The following ZFAT variants were observed in gnomAD, a reference collection of about 807,000 sequenced individuals.
ZFAT encodes zinc finger and AT-hook domain containing.
Under a neutral mutation model 117.7 loss-of-function variants are expected in ZFAT, and 64 were observed. That is an observed-to-expected ratio of 0.54 (90% CI 0.44 to 0.67). The LOEUF (loss-of-function observed/expected upper bound fraction) is 0.67. Among genes scored for constraint, ZFAT ranks in the 30% least tolerant of loss-of-function variants. The pLI, the probability that ZFAT is intolerant of heterozygous loss-of-function variation, is 0.00. For synonymous variants in ZFAT, 679 were observed against 615.0 expected, an observed-to-expected ratio of 1.10 and a Z score of -1.54; for missense variants, 1,433 against 1,584.5, an observed-to-expected ratio of 0.90 and a Z score of 1.62.
chr8:134,628,193 G>T (rs1829651871), intron 3 of ZFAT, among the ~76,000 whole-genome samples: 2 of 152,212 alleles, frequency 1.3e-5, no homozygotes, highest in South Asian at 2.1e-4. Flanking sequence ...GGCTCAGGGG[G>T]CTTCTGCATA....
intron 1 of ZFAT, among the ~76,000 whole-genome samples, chr8:134,702,633 T>C (rs1037777741): frequency 6.6e-6 from 1 of 152,124 alleles, no homozygotes; most frequent in Non-Finnish European, 1.5e-5. Flanking sequence ...TCCACAGCCA[T>C]GTGGAACTGT....
intron 1 of ZFAT, among the ~76,000 whole-genome samples, chr8:134,698,785 C>A (rs905936753): frequency 6.6e-6 from 1 of 152,178 alleles, no homozygotes; most frequent in Non-Finnish European, 1.5e-5. Flanking sequence ...GAAGCAGTCA[C>A]CAAATCCCAT....
chr8:134,748,437 T>C, the ZFAT span, among the ~76,000 whole-genome samples: 17 of 152,228 alleles, frequency 1.1e-4, no homozygotes, highest in African/African-American at 4.1e-4. Context: ...ATTGTTGCAT[T>C]AAAACTGATT....
At chr8:134,737,052 G>A in the ZFAT span, among the ~76,000 whole-genome samples, 41 of 152,180 alleles carry the variant, frequency 2.7e-4, no homozygotes, top group Non-Finnish European at 5.0e-4. Flanking sequence ...AGGCCAAGGC[G>A]GGCAGATCAC....
intron 1 of ZFAT, among the ~76,000 whole-genome samples, chr8:134,670,243 C>A (rs1301271497): frequency 2.0e-5 from 3 of 152,178 alleles, no homozygotes; most frequent in Admixed American, 6.5e-5. Flanking sequence ...AGCTCTGCAC[C>A]AAGTGGACCT....
chr8:134,591,685 G>A (rs1826515385), intron 7 of ZFAT, among the ~76,000 whole-genome samples: 1 of 152,216 alleles, frequency 6.6e-6, no homozygotes, highest in Non-Finnish European at 1.5e-5. Context: ...CTTATAAAAA[G>A]AGGAAATTTG....
the ZFAT span, chr8:134,783,560 A>T: frequency 1.3e-5 from 2 of 152,224 alleles, no homozygotes; most frequent in African/African-American, 4.8e-5. Flanking sequence ...AAGTGACCAA[A>T]TAGCAAATAT....
Position 134,512,424 on chromosome 8 carries a change from T to C in ZFAT, c.3361+51A>G, listed in dbSNP as rs1176721266. The C allele has an allele frequency of 2.5e-6, 4 of 1,595,702 alleles. No individual in the cohort carries two copies. In the African/African-American group the frequency reaches 5.4e-5, roughly 21 times the overall value. On this transcript the variant is annotated intron_variant, in intron 14 of 15. Coordinates refer to ENST00000377838, the MANE Select transcript of ZFAT (RefSeq NM_020863.4). ...CATCTGCAAACGCATTCATTCAGCATGTCTAGGAAAGACAGTTCTGAGATG... is the reference window on the plus strand; with the variant it reads ...CATCTGCAAACGCATTCATTCAGCACGTCTAGGAAAGACAGTTCTGAGATG...
chr8:134,770,131 C>A, the ZFAT span, among the ~76,000 whole-genome samples: 1 of 152,192 alleles, frequency 6.6e-6, no homozygotes, highest in South Asian at 2.1e-4. Context: ...ACATTCAGCT[C>A]CTCCTTACCT....
chr8:134,825,221 C>G, the ZFAT span, among the ~76,000 whole-genome samples: 1 of 152,138 alleles, frequency 6.6e-6, no homozygotes, highest in Non-Finnish European at 1.5e-5. Flanking sequence ...CAGTGAGAAG[C>G]GTGAATTAAA....
intron 10 of ZFAT, among the ~76,000 whole-genome samples, chr8:134,571,000 G>A (rs1824851001): frequency 6.6e-6 from 1 of 152,214 alleles, no homozygotes; most frequent in African/African-American, 2.4e-5. Flanking sequence ...AGGACCAAAG[G>A]TGGAGGATGA....
intron 11 of ZFAT, among the ~76,000 whole-genome samples, chr8:134,560,111 G>A (rs1023147740): frequency 6.6e-6 from 1 of 152,154 alleles, no homozygotes; most frequent in African/African-American, 2.4e-5. Context: ...ACTATCTGGG[G>A]AGGGAGGCAG....
intron 1 of ZFAT, among the ~76,000 whole-genome samples, chr8:134,697,449 C>A (rs1210764460): frequency 3.4e-5 from 5 of 147,154 alleles, no homozygotes; most frequent in Non-Finnish European, 7.5e-5. Flanking sequence ...TTTCACCAGC[C>A]TGGCGCGGTG....
intron 2 of ZFAT, among the ~76,000 whole-genome samples, chr8:134,647,433 T>C (rs186294434): frequency 2.0e-5 from 3 of 152,296 alleles, no homozygotes; most frequent in African/African-American, 7.2e-5. Context: ...ATAATCAACG[T>C]GAAAAGCTGA....
chr8:134,747,399 C>A, the ZFAT span, among the ~76,000 whole-genome samples: 1 of 152,172 alleles, frequency 6.6e-6, no homozygotes. Flanking sequence ...CTCTAAAGAT[C>A]TTTAGAGTGT....
intron 13 of ZFAT, among the ~76,000 whole-genome samples, chr8:134,519,539 G>A (rs540329637): frequency 6.6e-6 from 1 of 152,290 alleles, no homozygotes; most frequent in South Asian, 2.1e-4. Context: ...ACTGTTGTAT[G>A]TTGATATTTT....
chr8:134,753,803 G>T, the ZFAT span, among the ~76,000 whole-genome samples: 1 of 152,160 alleles, frequency 6.6e-6, no homozygotes, highest in African/African-American at 2.4e-5. Flanking sequence ...GACAACACTA[G>T]AAGTAAATAT....
the ZFAT span, chr8:134,766,644 T>C: frequency 1.3e-5 from 2 of 152,256 alleles, no homozygotes; most frequent in Non-Finnish European, 2.9e-5. Flanking sequence ...AGCAGACATG[T>C]GTGGTGCTGT....
the ZFAT span, among the ~76,000 whole-genome samples, chr8:134,823,607 G>A: frequency 6.6e-6 from 1 of 152,178 alleles, no homozygotes; most frequent in Non-Finnish European, 1.5e-5. Flanking sequence ...ATTCAGGCAG[G>A]ATAGCTCCAG....
Sources: allele counts gnomAD v4.1 joint callset (sites outside exome capture counted in the v4.1 genomes callset), GRCh38; gene constraint gnomAD v4.1.1; transcripts MANE v1.5; gene names NCBI Gene and HGNC (gene_info 2026-07-23, HGNC 2026-07-21).